The following TMEM117 variants were observed in gnomAD, a reference collection of about 807,000 sequenced individuals.
The protein encoded by TMEM117 is transmembrane protein 117.
A neutral mutation model predicts 52.4 loss-of-function variants in TMEM117; 27 were observed. The observed-to-expected ratio is 0.51, with a 90% CI of 0.38 to 0.71. TMEM117 has a LOEUF of 0.71. Ranked by LOEUF, TMEM117 falls within the 30% of genes least tolerant of loss-of-function variation. TMEM117 has a pLI of 0.00. For missense variants in TMEM117, 556 were observed against 630.5 expected (o/e 0.88, Z 1.26); for synonymous variants, 215 against 206.3 (o/e 1.04, Z -0.36).
At chr12:44,205,941 C>A (rs1339207465) in intron 4 of TMEM117, among the ~76,000 whole-genome samples, 10 of 152,100 alleles carry the variant, frequency 6.6e-5, no homozygotes, top group Non-Finnish European at 1.3e-4. Context: ...GTCGTGGAGA[C>A]CCTAACCCAG....
chr12:44,299,128 A>ATT lies in TMEM117; in HGVS notation c.609-433_609-432dup, dbSNP rs375671360. Among the ~76,000 whole-genome samples the ATT allele has an allele frequency of 5.4e-3, 683 of 125,386 alleles. 42 individuals carry two copies. Among genetic ancestry groups the ATT allele is most frequent in the African/African-American group, 0.022 (598 of 27,376 alleles). The allele number at this position is 125,386 out of a possible 152,430, so 82.3% of individuals were successfully genotyped here. ...AACTGCTTTTGATAGAAGGCATTTA[A>ATT]TTTTTTTTTTTTTTTTTTTTGAGAT... On this transcript the variant is annotated intron_variant, in intron 5 of 7. Coordinates refer to ENST00000266534, the MANE Select transcript of TMEM117 (RefSeq NM_032256.3).
At chr12:44,169,154 G>A (rs761796783) in intron 4 of TMEM117, among the ~76,000 whole-genome samples, 23 of 152,300 alleles carry the variant, frequency 1.5e-4, no homozygotes, top group African/African-American at 5.1e-4. Flanking sequence ...TAAGTCTGCT[G>A]TGAACATTGG....
chr12:43,932,618 CTT>C (rs2137583900), intron 2 of TMEM117, among the ~76,000 whole-genome samples: 1 of 152,310 alleles, frequency 6.6e-6, no homozygotes, highest in South Asian at 2.1e-4. Flanking sequence ...ATTTGAGCTA[CTT>C]ACACCTCAGC....
At chr12:44,029,551 GTCTT>G in intron 3 of TMEM117, among the ~76,000 whole-genome samples, 1 of 152,258 alleles carries the variant, frequency 6.6e-6, no homozygotes, top group South Asian at 2.1e-4. Flanking sequence ...GCAATGGGGG[GTCTT>G]TCTTTGGCCT....
intron 4 of TMEM117, among the ~76,000 whole-genome samples, chr12:44,175,509 A>T (rs757358430): frequency 7.2e-5 from 11 of 152,206 alleles, no homozygotes; most frequent in Non-Finnish European, 1.5e-4. Context: ...GATCAGCTCA[A>T]GCCTGAGGGC....
At chr12:44,056,760 C>T (rs1356235754) in intron 3 of TMEM117, among the ~76,000 whole-genome samples, 1 of 152,182 alleles carries the variant, frequency 6.6e-6, no homozygotes, top group African/African-American at 2.4e-5. Context: ...CTCTCTCTCT[C>T]TCTGTCTCTC....
chr12:43,883,073 T>C (rs1002866761), intron 2 of TMEM117, among the ~76,000 whole-genome samples: 1 of 152,200 alleles, frequency 6.6e-6, no homozygotes, highest in Non-Finnish European at 1.5e-5. Context: ...CCAATGGTGG[T>C]TTTTGTATCC....
intron 2 of TMEM117, among the ~76,000 whole-genome samples, chr12:43,940,164 C>T (rs1251733872): frequency 6.6e-6 from 1 of 152,178 alleles, no homozygotes; most frequent in Non-Finnish European, 1.5e-5. Context: ...GGCTCTGCCA[C>T]CTTGGAGACC....
chr12:44,235,288 T>C (rs1949982090), intron 5 of TMEM117, among the ~76,000 whole-genome samples: 1 of 151,676 alleles, frequency 6.6e-6, no homozygotes, highest in Admixed American at 6.6e-5. Flanking sequence ...TGCCTACTCT[T>C]TTACTTTCAA....
intron 6 of TMEM117, among the ~76,000 whole-genome samples, chr12:44,332,712 T>TAC (rs34633299): frequency 0.095 from 13,663 of 143,122 alleles, 682 homozygotes; most frequent in Admixed American, 0.16. Context: ...CTACTGTTAC[T>TAC]ACACACACAC....
intron 2 of TMEM117, among the ~76,000 whole-genome samples, chr12:43,880,610 G>A (rs952048254): frequency 6.6e-6 from 1 of 152,196 alleles, no homozygotes; most frequent in South Asian, 2.1e-4. Flanking sequence ...GGAACTGGGT[G>A]CAGGGGTCCC....
chr12:43,881,337 A>C (rs1406937467), intron 2 of TMEM117, among the ~76,000 whole-genome samples: 1 of 152,228 alleles, frequency 6.6e-6, no homozygotes, highest in East Asian at 1.9e-4. Context: ...TGTGTCAGTA[A>C]GCATAAGAAC....
rs568243109 is a variant in TMEM117 at position 43,836,426 on chromosome 12, G to A, written c.-29+230G>A. ...CAGGGTGAAGTGTCAAGGAGGGAGG[G>A]GGGACGCGCCAGCCCTCTGGCTAAG... On this transcript the variant is annotated intron_variant, in intron 1 of 7. Transcript: ENST00000266534. Among the ~76,000 whole-genome samples, 8 of 152,266 alleles carry A rather than the reference G, an allele frequency of 5.3e-5. No homozygotes were observed. The South Asian group carries it at 1.2e-3, about 24-fold the overall frequency.
At chr12:43,916,455 A>G (rs1417958873) in intron 2 of TMEM117, among the ~76,000 whole-genome samples, 6 of 152,190 alleles carry the variant, frequency 3.9e-5, no homozygotes, top group Non-Finnish European at 7.3e-5. Flanking sequence ...CAATATTTAT[A>G]ATGATTCTAC....
At chr12:43,882,895 C>T (rs533339551) in intron 2 of TMEM117, among the ~76,000 whole-genome samples, 2 of 152,304 alleles carry the variant, frequency 1.3e-5, no homozygotes, top group Admixed American at 6.5e-5. Flanking sequence ...ATGTTCATTT[C>T]TCTGCAGCAT....
intron 5 of TMEM117, among the ~76,000 whole-genome samples, chr12:44,294,716 C>T (rs1414131725): frequency 6.6e-6 from 1 of 152,162 alleles, no homozygotes; most frequent in Non-Finnish European, 1.5e-5. Context: ...ACCACACAGT[C>T]AATCTGATAA....
intron 2 of TMEM117, among the ~76,000 whole-genome samples, chr12:43,871,260 G>A (rs1028004465): frequency 5.9e-5 from 9 of 151,688 alleles, no homozygotes; most frequent in African/African-American, 1.9e-4. Context: ...GCACCACCAC[G>A]CCCAGCTAAT....
chr12:44,300,839 T>C (rs886185955), intron 6 of TMEM117, among the ~76,000 whole-genome samples: 1 of 152,152 alleles, frequency 6.6e-6, no homozygotes, highest in Non-Finnish European at 1.5e-5. Flanking sequence ...TGGAAAAAAC[T>C]TTCCAATCTG....
intron 6 of TMEM117, among the ~76,000 whole-genome samples, chr12:44,343,372 C>G (rs1951442954): frequency 6.6e-6 from 1 of 152,112 alleles, no homozygotes; most frequent in Admixed American, 6.6e-5. Flanking sequence ...CTAAAACTTA[C>G]TGGTTGTCTA....
Sources: allele counts gnomAD v4.1 joint callset (sites outside exome capture counted in the v4.1 genomes callset), GRCh38; gene constraint gnomAD v4.1.1; transcripts MANE v1.5; gene names NCBI Gene and HGNC (gene_info 2026-07-23, HGNC 2026-07-21).